The following GNAL variants were observed in gnomAD, a reference collection of about 807,000 sequenced individuals.
GNAL encodes guanine nucleotide-binding protein G(olf) subunit alpha.
A neutral mutation model predicts 55.1 loss-of-function variants in GNAL; 18 were observed. The observed-to-expected ratio is 0.33, with a 90% CI of 0.23 to 0.48. The LOEUF (loss-of-function observed/expected upper bound fraction) is 0.48. Ranked by LOEUF, GNAL falls within the 20% of genes least tolerant of loss-of-function variation. The pLI, the probability that GNAL is intolerant of heterozygous loss-of-function variation, is 0.99. For synonymous variants in GNAL, 253 were observed against 237.0 expected (o/e 1.07, Z -0.62); for missense variants, 412 against 614.1 (o/e 0.67, Z 3.48).
chr18:11,868,698 A>C lies in GNAL; in HGVS notation c.1031+35A>C. 1 of 1,577,820 alleles carries C rather than the reference A, an allele frequency of 6.3e-7. No homozygotes were observed. Among genetic ancestry groups the C allele is most frequent in the Non-Finnish European group, 8.6e-7 (1 of 1,159,546 alleles). ...ATAGCAAATTCAGTCTTACCATTGGATTGCAAATTTTCTTTTGTTAAAAAT... is the reference window on the plus strand; with the variant it reads ...ATAGCAAATTCAGTCTTACCATTGGCTTGCAAATTTTCTTTTGTTAAAAAT... On this transcript the variant is annotated intron_variant, in intron 9 of 11. Coordinates refer to ENST00000334049, the MANE Select transcript of GNAL (RefSeq NM_182978.4). This position sits in a 1 kb window ranked among gnomAD's most constrained non-coding sequence, Gnocchi z 4.0.
intron 1 of GNAL, among the ~76,000 whole-genome samples, chr18:11,706,467 G>A (rs2031716050): frequency 6.6e-6 from 1 of 152,148 alleles, no homozygotes; most frequent in African/African-American, 2.4e-5. Flanking sequence ...GGTTGTTGCT[G>A]AAGACAGTTT....
At chr18:11,804,818 A>G (rs113638401) in intron 4 of GNAL, among the ~76,000 whole-genome samples, 3 of 103,692 alleles carry the variant, frequency 2.9e-5, no homozygotes, top group South Asian at 3.3e-4. Flanking sequence ...GTACAGGTGC[A>G]GTTTGAGTGG....
intron 1 of GNAL, among the ~76,000 whole-genome samples, chr18:11,737,038 G>A (rs966136859): frequency 3.3e-5 from 5 of 152,210 alleles, no homozygotes; most frequent in African/African-American, 4.8e-5. Context: ...TGAAGAGCAT[G>A]TGGAACATTT....
chr18:11,813,256 A>AAAAAAAAG (rs983116086), intron 4 of GNAL, among the ~76,000 whole-genome samples: 3 of 151,888 alleles, frequency 2.0e-5, no homozygotes, highest in Non-Finnish European at 2.9e-5. Context: ...CTCCATCTTA[A>AAAAAAAAG]AAAAAAGAAA....
At position 11,797,220 on chromosome 18, in the gene GNAL, C is replaced by T. The variant is rs144415149; in HGVS notation, c.625-27698C>T. On this transcript the variant is annotated intron_variant, in intron 4 of 11. Transcript: ENST00000334049. ...GTGCTGGGATTACAGGCGTGAGCCA[C>T]CGCACCCGGCCAGAACTTCTTAAAA... 4.6e-3 allele frequency among the ~76,000 whole-genome samples: 695 copies of T among 152,292 alleles called. 6 individuals carry two copies. Among genetic ancestry groups the T allele is most frequent in the African/African-American group, 0.016 (648 of 41,566 alleles).
chr18:11,828,381 C>T (rs756721768), intron 5 of GNAL, among the ~76,000 whole-genome samples: 16 of 152,056 alleles, frequency 1.1e-4, no homozygotes, highest in East Asian at 3.9e-4. Context: ...CCAGCCTGGG[C>T]GACAGAGTGA....
At chr18:11,793,574 C>T (rs1339347709) in intron 4 of GNAL, among the ~76,000 whole-genome samples, 1 of 146,706 alleles carries the variant, frequency 6.8e-6, no homozygotes, top group Non-Finnish European at 1.5e-5. Flanking sequence ...AGAGCAAGAT[C>T]CTGTCTCTAA....
chr18:11,818,905 G>A (rs1007611842), intron 4 of GNAL, among the ~76,000 whole-genome samples: 3 of 152,222 alleles, frequency 2.0e-5, no homozygotes, highest in Non-Finnish European at 4.4e-5. Flanking sequence ...AATATTGTGC[G>A]AATGTTGGGA....
chr18:11,864,932 T>C (rs1203090216), intron 7 of GNAL, among the ~76,000 whole-genome samples: 2 of 152,192 alleles, frequency 1.3e-5, no homozygotes, highest in Non-Finnish European at 2.9e-5. Context: ...ATGAGCAGTT[T>C]ATGTGTGTCT....
At chr18:11,754,898 T>C (rs1048256987) in intron 4 of GNAL, among the ~76,000 whole-genome samples, 3 of 152,214 alleles carry the variant, frequency 2.0e-5, no homozygotes, top group East Asian at 1.9e-4. Flanking sequence ...CTTTAAAATA[T>C]TTGGTCATTT....
chr18:11,818,210 G>A lies in GNAL; in HGVS notation c.625-6708G>A, dbSNP rs530063955. 8.0e-4 allele frequency among the ~76,000 whole-genome samples: 122 copies of A among 152,220 alleles called. No individual in the cohort carries two copies. The Middle Eastern group carries it at 0.017, about 21-fold the overall frequency. ...CTGTGTAACATTAAATTTCAGGATGGACAGAAATTATACATAACAAAATCA... is the reference window on the plus strand; with the variant it reads ...CTGTGTAACATTAAATTTCAGGATGAACAGAAATTATACATAACAAAATCA... On this transcript the variant is annotated intron_variant, in intron 4 of 11. Transcript: ENST00000334049.
At chr18:11,880,043 G>A (rs1471901173) in intron 11 of GNAL, among the ~76,000 whole-genome samples, 3 of 151,354 alleles carry the variant, frequency 2.0e-5, no homozygotes, top group Non-Finnish European at 3.0e-5. Context: ...CGGATCATGA[G>A]GTCAGGAGTT....
chr18:11,874,716 C>A (rs1290562835), intron 10 of GNAL, among the ~76,000 whole-genome samples: 16 of 149,620 alleles, frequency 1.1e-4, no homozygotes, highest in African/African-American at 3.4e-4. Context: ...ATGTCAGTGA[C>A]CCCCACCCCC....
rs758550295 is a variant in GNAL, at chr18:11,752,976, C to G, written c.449+51C>G. ...ACTGCATGCAAACTTCGTCTCTCTC[C>G]CAGACGTCCCAAAAGTGCTTTCTCT... On this transcript the variant is annotated intron_variant, in intron 2 of 11. Coordinates refer to ENST00000334049, the MANE Select transcript of GNAL (RefSeq NM_182978.4). This position sits in a 1 kb window ranked among gnomAD's most constrained non-coding sequence, Gnocchi z 4.5. The G allele has an allele frequency of 1.9e-6, 2 of 1,057,538 alleles. No homozygotes were observed. The highest frequency in any genetic ancestry group is 1.3e-5 in the South Asian group (1 of 76,152). 65.5% of individuals were successfully genotyped at this position (1,057,538 alleles called of 1,614,324 possible). A position where few individuals can be genotyped will look rare whatever the true frequency, so the allele number is the denominator to read the frequency against.
At chr18:11,788,766 A>G (rs980977242) in intron 4 of GNAL, among the ~76,000 whole-genome samples, 3 of 150,858 alleles carry the variant, frequency 2.0e-5, no homozygotes, top group Admixed American at 2.0e-4. Context: ...GTGTGGTGGC[A>G]CACGCCTGTA....
chr18:11,753,748 G>A, intron 3 of GNAL, 66 bp downstream of exon 3: 1 of 1,480,818 alleles, frequency 6.8e-7, no homozygotes, highest in Non-Finnish European at 9.4e-7. Context: ...AAACTGTGTA[G>A]ACAGAAATTA....
chr18:11,782,754 C>T (rs1438559727), intron 4 of GNAL, among the ~76,000 whole-genome samples: 1 of 152,192 alleles, frequency 6.6e-6, no homozygotes, highest in Non-Finnish European at 1.5e-5. Context: ...ATCTATTCAC[C>T]TGTGGTCCAC....
chr18:11,752,195 G>A lies in GNAL; in HGVS notation c.377-658G>A, dbSNP rs1398189013. 1 of 580,412 alleles carries A rather than the reference G, an allele frequency of 1.7e-6. No individual in the cohort carries two copies. Among genetic ancestry groups the A allele is most frequent in the Non-Finnish European group, 2.6e-6 (1 of 381,934 alleles). The allele number at this position is 580,412 out of a possible 1,614,324, so 36.0% of individuals were successfully genotyped here. Reference sequence around the variant, plus strand: ...TCCAGCAGATTTTGAAACAATTCTCGTGTAAAAAGGCATTTTACTCCGCGC... The same window carrying A: ...TCCAGCAGATTTTGAAACAATTCTCATGTAAAAAGGCATTTTACTCCGCGC... On this transcript the variant is annotated intron_variant, in intron 1 of 11. Coordinates refer to ENST00000334049, the MANE Select transcript of GNAL (RefSeq NM_182978.4). This position sits in a 1 kb window ranked among gnomAD's most constrained non-coding sequence, Gnocchi z 4.5.
At chr18:11,745,307 G>A (rs965596372) in intron 1 of GNAL, among the ~76,000 whole-genome samples, 2 of 151,890 alleles carry the variant, frequency 1.3e-5, no homozygotes, top group Non-Finnish European at 2.9e-5. Context: ...CCTTATAATG[G>A]GAAACAAATT....
Sources: gnomAD v4.1 joint callset for allele counts (sites outside exome capture counted in the v4.1 genomes callset) on GRCh38, gnomAD v4.1.1 for gene constraint, Gnocchi (gnomAD v3.1) non-coding constraint, MANE v1.5 for transcripts, NCBI Gene and HGNC (gene_info 2026-07-23, HGNC 2026-07-21) for gene names.